The following CTNNA3 variants were observed in gnomAD, a reference collection of about 807,000 sequenced individuals.
CTNNA3 encodes catenin alpha-3.
CTNNA3 carries 76 observed loss-of-function variants against 95.7 expected under a neutral mutation model. The observed-to-expected ratio is 0.79, with a 90% CI of 0.66 to 0.96. CTNNA3 has a LOEUF of 0.96. CTNNA3 is among the 40% of genes least tolerant of loss of function. The pLI, the probability that CTNNA3 is intolerant of heterozygous loss-of-function variation, is 0.00. For synonymous variants in CTNNA3, 431 were observed against 374.4 expected (o/e 1.15, Z -1.74); for missense variants, 1,191 against 1,089.8 (o/e 1.09, Z -1.31).
intron 13 of CTNNA3, among the ~76,000 whole-genome samples, chr10:66,120,073 C>G (rs2082513400): frequency 6.6e-6 from 1 of 152,178 alleles, no homozygotes; most frequent in African/African-American, 2.4e-5. Context: ...TAACTCAGCT[C>G]AGAGCACACA....
At chr10:66,487,849 G>T (rs114358178) in intron 11 of CTNNA3, among the ~76,000 whole-genome samples, 1,532 of 152,258 alleles carry the variant, frequency 0.01, 26 homozygotes, top group African/African-American at 0.035. Flanking sequence ...TACCTGAAAA[G>T]AGATTTTGGT....
chr10:67,055,668 C>T (rs1320773589), intron 7 of CTNNA3, among the ~76,000 whole-genome samples: 1 of 152,078 alleles, frequency 6.6e-6, no homozygotes, highest in Non-Finnish European at 1.5e-5. Flanking sequence ...TTACCATGGG[C>T]TTTGTTCTTT....
chr10:67,038,361 C>A (rs891025978), intron 7 of CTNNA3, among the ~76,000 whole-genome samples: 2 of 151,922 alleles, frequency 1.3e-5, no homozygotes, highest in Non-Finnish European at 2.9e-5. Flanking sequence ...CACTATATGT[C>A]AATTAATATC....
chr10:66,936,928 G>C (rs954530986), intron 7 of CTNNA3, among the ~76,000 whole-genome samples: 4 of 152,134 alleles, frequency 2.6e-5, no homozygotes, highest in African/African-American at 9.7e-5. Context: ...TAGCCAGCAG[G>C]GTTGGGGAAA....
At position 66,331,355 on chromosome 10, in the gene CTNNA3, T is replaced by G. The variant is rs1483667144; in HGVS notation, c.1732+47797A>C. The stretch of plus-strand genomic sequence containing the variant: ...TCCCCATTGTTTGTTTTTTTTTTTT[T>G]TTTTTTTTTTTTTTTTGAGACGGAG... On this transcript the variant is annotated intron_variant, in intron 12 of 17. Transcript: ENST00000433211. Among the ~76,000 whole-genome samples, 43 of 124,974 alleles carry G rather than the reference T, an allele frequency of 3.4e-4. 2 individuals carry two copies. Among genetic ancestry groups the G allele is most frequent in the African/African-American group, 1.4e-3 (42 of 30,350 alleles). 82.0% of individuals were successfully genotyped at this position (124,974 alleles called of 152,430 possible).
intron 7 of CTNNA3, among the ~76,000 whole-genome samples, chr10:66,979,471 A>C (rs2132871771): frequency 6.6e-6 from 1 of 152,298 alleles, no homozygotes; most frequent in African/African-American, 2.4e-5. Context: ...TTCTGGCATA[A>C]AATTCTGTAT....
At chr10:66,664,154 T>C (rs1846360468) in intron 9 of CTNNA3, among the ~76,000 whole-genome samples, 1 of 152,126 alleles carries the variant, frequency 6.6e-6, no homozygotes, top group Non-Finnish European at 1.5e-5. Context: ...AGATTAATCT[T>C]TATTCTGTGT....
intron 7 of CTNNA3, chr10:66,928,019 G>A (rs140333834): frequency 1.2e-6 from 2 of 1,614,134 alleles, no homozygotes; most frequent in Admixed American, 1.7e-5. Flanking sequence ...ACTACAGAGA[G>A]GTTTGATCTG....
intron 5 of CTNNA3, among the ~76,000 whole-genome samples, chr10:67,466,808 C>G (rs1267753660): frequency 6.6e-6 from 1 of 152,196 alleles, no homozygotes; most frequent in East Asian, 1.9e-4. Context: ...CACTTTCCCA[C>G]TGATTCTTCA....
At position 67,737,441 on chromosome 10, in the gene CTNNA3, T is replaced by C. The variant is rs374154784; in HGVS notation, c.-2+25993A>G. ...AACATAACAATGCACCCCAAAGAAC[T>C]AGAAAAGCAGGAACAAACCAAACCC... is the stretch of plus-strand genomic sequence containing the variant. On this transcript the variant is annotated intron_variant, in intron 1 of 17. Coordinates refer to the CTNNA3 transcript ENST00000684154. 5.3e-5 allele frequency among the ~76,000 whole-genome samples: 8 copies of C among 150,788 alleles called. No homozygotes were observed. The East Asian group carries it at 1.6e-3, about 30-fold the overall frequency.
intron 2 of CTNNA3, among the ~76,000 whole-genome samples, chr10:67,607,968 A>C (rs1201529353): frequency 6.6e-6 from 1 of 152,246 alleles, no homozygotes; most frequent in African/African-American, 2.4e-5. Flanking sequence ...TAAACATATA[A>C]ACAAATTTAA....
intron 5 of CTNNA3, among the ~76,000 whole-genome samples, chr10:67,311,899 C>G: frequency 6.6e-6 from 1 of 151,888 alleles, no homozygotes; most frequent in Admixed American, 6.6e-5. Context: ...AACATTCTTT[C>G]TACCACATTG....
chr10:66,399,133 T>C (rs2441715), intron 11 of CTNNA3, among the ~76,000 whole-genome samples: 97,090 of 151,722 alleles, frequency 0.64, 32,758 homozygotes, highest in East Asian at 0.88. Context: ...ATAATCTGGG[T>C]GACTATAATT....
chr10:67,511,226 A>G (rs1196056576), intron 5 of CTNNA3, among the ~76,000 whole-genome samples: 1 of 152,110 alleles, frequency 6.6e-6, no homozygotes, highest in African/African-American at 2.4e-5. Flanking sequence ...TTCCAACACT[A>G]TGTTGAATAG....
chr10:66,672,936 T>TATA (rs1277973472), intron 9 of CTNNA3, among the ~76,000 whole-genome samples: 1 of 151,944 alleles, frequency 6.6e-6, no homozygotes, highest in Non-Finnish European at 1.5e-5. Flanking sequence ...AATTTTAATA[T>TATA]ATAATAAAAT....
intron 13 of CTNNA3, among the ~76,000 whole-genome samples, chr10:66,239,462 G>T (rs2132034375): frequency 6.6e-6 from 1 of 151,940 alleles, no homozygotes; most frequent in Admixed American, 6.6e-5. Context: ...TACTACAATT[G>T]TCTTTCGATA....
At chr10:67,226,052 T>C (rs577792324) in intron 5 of CTNNA3, among the ~76,000 whole-genome samples, 1 of 152,216 alleles carries the variant, frequency 6.6e-6, no homozygotes, top group African/African-American at 2.4e-5. Flanking sequence ...CAGGAAACAT[T>C]GGACACACTT....
chr10:67,440,592 G>C (rs918486257), intron 5 of CTNNA3, among the ~76,000 whole-genome samples: 3 of 152,004 alleles, frequency 2.0e-5, no homozygotes, highest in Admixed American at 2.0e-4. Flanking sequence ...GCCACAGGGG[G>C]GATTGTGTTA....
At chr10:66,424,868 T>C (rs1194355008) in intron 11 of CTNNA3, among the ~76,000 whole-genome samples, 7 of 152,040 alleles carry the variant, frequency 4.6e-5, no homozygotes, top group African/African-American at 1.7e-4. Flanking sequence ...ACTCAAATAT[T>C]CTATCATGAG....
Sources: gnomAD v4.1 joint callset for allele counts (sites outside exome capture counted in the v4.1 genomes callset) on GRCh38, gnomAD v4.1.1 for gene constraint, MANE v1.5 for transcripts, NCBI Gene and HGNC (gene_info 2026-07-23, HGNC 2026-07-21) for gene names.